Variants in PGBD5 observed in about 807,000 individuals in gnomAD.
PGBD5 encodes the protein piggyBac transposable element derived 5, also known as piggyBac transposable element-derived protein 5.
PGBD5 carries 14 observed loss-of-function variants against 47.9 expected under a neutral mutation model. The ratio of observed to expected loss-of-function variants is 0.29; its 90% CI spans 0.19 to 0.46. PGBD5 has a LOEUF of 0.46. Ranked by LOEUF, PGBD5 falls within the 20% of genes least tolerant of loss-of-function variation. The pLI, the probability that PGBD5 is intolerant of heterozygous loss-of-function variation, is 1.00. For missense variants in PGBD5, 635 were observed against 716.0 expected (o/e 0.89, Z 1.29); for synonymous variants, 316 against 306.3 (o/e 1.03, Z -0.33).
In PGBD5 at chr1:230,375,652, CTT is replaced by C. The variant is rs199545872; in HGVS notation, c.332-18333_332-18332del. Among the ~76,000 whole-genome samples, 895 of 105,572 alleles carry C rather than the reference CTT, an allele frequency of 8.5e-3. 14 individuals are homozygous for C. Among genetic ancestry groups the C allele is most frequent in the African/African-American group, 0.037 (823 of 22,348 alleles). The allele number at this position is 105,572 out of a possible 152,430, so 69.3% of individuals were successfully genotyped here. On this transcript the variant is annotated intron_variant, in intron 1 of 6. Transcript: ENST00000391860. ...AAGGTCATCTGAGCTTCCTATTTGA[CTT>C]TTTTTTTTTTTTTTTTTTTTTTTTA...
At chr1:230,399,059 G>C (rs1657072168) in intron 1 of PGBD5, among the ~76,000 whole-genome samples, 2 of 62,532 alleles carry the variant, frequency 3.2e-5, no homozygotes, top group Non-Finnish European at 9.0e-5. Flanking sequence ...AGGTTACTAA[G>C]GGGGGGTGGC....
chr1:230,399,058 A>AGGG (rs34932608), intron 1 of PGBD5, among the ~76,000 whole-genome samples: 31 of 151,538 alleles, frequency 2.0e-4, no homozygotes, highest in African/African-American at 6.5e-4. Flanking sequence ...CAGGTTACTA[A>AGGG]GGGGGGGTGG....
intron 1 of PGBD5, among the ~76,000 whole-genome samples, chr1:230,391,498 T>A (rs1261292006): frequency 1.3e-5 from 2 of 152,182 alleles, no homozygotes; most frequent in Non-Finnish European, 2.9e-5. Context: ...TGTGTGAAAT[T>A]TCCCGGAATC....
At chr1:230,413,459 C>G (rs1234961722) in intron 1 of PGBD5, among the ~76,000 whole-genome samples, 1 of 152,104 alleles carries the variant, frequency 6.6e-6, no homozygotes, top group African/African-American at 2.4e-5. Flanking sequence ...GTGATCGCAT[C>G]ATCGCACTCC....
intron 1 of PGBD5, among the ~76,000 whole-genome samples, chr1:230,415,424 T>C (rs531123566): frequency 6.6e-6 from 1 of 152,302 alleles, no homozygotes; most frequent in African/African-American, 2.4e-5. Flanking sequence ...CTTGAGAAAA[T>C]AGGTCTCTCC....
At chr1:230,350,927 C>T (rs1300638930) in intron 3 of PGBD5, 31 bp downstream of exon 3, 7 of 1,607,652 alleles carry the variant, frequency 4.4e-6, no homozygotes, top group Non-Finnish European at 5.1e-6. Context: ...CCCTCTTCAC[C>T]GACCCTCCCC....
intron 4 of PGBD5, among the ~76,000 whole-genome samples, chr1:230,335,174 C>T (rs1667285562): frequency 9.8e-6 from 1 of 101,832 alleles, no homozygotes; most frequent in Non-Finnish European, 2.1e-5. Flanking sequence ...CACAGACACA[C>T]AGACACACAG....
At chr1:230,396,330 C>T (rs1656973739) in intron 1 of PGBD5, among the ~76,000 whole-genome samples, 1 of 140,320 alleles carries the variant, frequency 7.1e-6, no homozygotes, top group Non-Finnish European at 1.5e-5. Flanking sequence ...CACTCCTTCT[C>T]CTCTACTCCC....
chr1:230,338,158 C>T (rs1667355482), intron 3 of PGBD5, among the ~76,000 whole-genome samples: 1 of 149,464 alleles, frequency 6.7e-6, no homozygotes, highest in African/African-American at 2.5e-5. Context: ...TCTATGCAGA[C>T]ATCTACACTC....
intron 1 of PGBD5, among the ~76,000 whole-genome samples, chr1:230,394,674 A>G (rs1397194243): frequency 1.0e-4 from 10 of 96,262 alleles, no homozygotes; most frequent in East Asian, 3.3e-4. Context: ...AGGTCCTCTC[A>G]TTCCCACCTT....
chr1:230,327,084 G>A (rs149334448), intron 5 of PGBD5, among the ~76,000 whole-genome samples: 16 of 152,192 alleles, frequency 1.1e-4, no homozygotes, highest in East Asian at 1.9e-4. Flanking sequence ...CAGACAACAC[G>A]GAAGATGAGA....
intron 3 of PGBD5, among the ~76,000 whole-genome samples, chr1:230,346,019 CTTTAAATGCATT>C: frequency 6.6e-6 from 1 of 152,082 alleles, no homozygotes; most frequent in East Asian, 1.9e-4. Flanking sequence ...CTGCACCCAG[CTTTAAATGCATT>C]TTTGACTTAA....
At chr1:230,407,780 G>A (rs1657329281) in intron 1 of PGBD5, among the ~76,000 whole-genome samples, 2 of 152,158 alleles carry the variant, frequency 1.3e-5, no homozygotes, top group South Asian at 2.1e-4. Flanking sequence ...TTCCTCAAGC[G>A]ATTATGAGAG....
At chr1:230,369,518 A>C (rs1158071630) in intron 1 of PGBD5, among the ~76,000 whole-genome samples, 1 of 152,164 alleles carries the variant, frequency 6.6e-6, no homozygotes, top group Non-Finnish European at 1.5e-5. Flanking sequence ...CTGCTTTAAC[A>C]GCCATGCCAG....
chr1:230,400,150 C>G (rs1039271398), intron 1 of PGBD5, among the ~76,000 whole-genome samples: 1 of 152,336 alleles, frequency 6.6e-6, no homozygotes. Flanking sequence ...CTCCGCGCCT[C>G]GCCCACCAGG....
intron 1 of PGBD5, among the ~76,000 whole-genome samples, chr1:230,387,973 G>C (rs2102730554): frequency 6.6e-6 from 1 of 152,272 alleles, no homozygotes; most frequent in Non-Finnish European, 1.5e-5. Flanking sequence ...GCCAGTGAGA[G>C]CAATGGGTGC....
chr1:230,390,746 T>TTTTG (rs201127967), intron 1 of PGBD5, among the ~76,000 whole-genome samples: 1 of 152,110 alleles, frequency 6.6e-6, no homozygotes, highest in East Asian at 1.9e-4. Flanking sequence ...TGCCAGTTTT[T>TTTTG]TTTGTTTGTT....
At chr1:230,344,494 C>T (rs768135926) in intron 3 of PGBD5, among the ~76,000 whole-genome samples, 3 of 152,232 alleles carry the variant, frequency 2.0e-5, no homozygotes, top group Non-Finnish European at 4.4e-5. Context: ...AAGCACAGAG[C>T]CTGGCCCACA....
intron 1 of PGBD5, among the ~76,000 whole-genome samples, chr1:230,403,518 T>C (rs1657195648): frequency 6.6e-6 from 1 of 152,108 alleles, no homozygotes; most frequent in Non-Finnish European, 1.5e-5. Context: ...CACCAGAGCC[T>C]CAGGATGAGG....
Sources: allele counts gnomAD v4.1 joint callset (sites outside exome capture counted in the v4.1 genomes callset), GRCh38; gene constraint gnomAD v4.1.1; transcripts MANE v1.5; gene names NCBI Gene and HGNC (gene_info 2026-07-23, HGNC 2026-07-21).